The following SMAGP variants were observed in gnomAD, a reference collection of about 807,000 sequenced individuals.
SMAGP encodes small cell adhesion glycoprotein, also known as small cell transmembrane and glycosylated protein.
In SMAGP, 7 loss-of-function variants were observed where a neutral mutation model predicts 10.1. The ratio of observed to expected loss-of-function variants is 0.70; its 90% CI spans 0.40 to 1.31. SMAGP has a LOEUF of 1.31. Ranked by LOEUF, SMAGP falls within the 50% of genes most tolerant of loss-of-function variation. The pLI is 0.01. For synonymous variants in SMAGP, 49 were observed against 47.2 expected (o/e 1.04, Z -0.16); for missense variants, 113 against 116.5 (o/e 0.97, Z 0.14).
Position 51,246,887 on chromosome 12 carries a change from CAT to C in SMAGP, c.35-58_35-57del, listed in dbSNP as rs999284329. The C allele has an allele frequency of 9.7e-5, 135 of 1,389,914 alleles. No homozygotes were observed. In the Middle Eastern group the frequency reaches 1.1e-3, roughly 11 times the overall value. The allele number at this position is 1,389,914 out of a possible 1,614,324, so 86.1% of individuals were successfully genotyped here. A position where few individuals can be genotyped will look rare whatever the true frequency, so the allele number is the denominator to read the frequency against. Reference sequence around the variant, plus strand: ...TGGAGTGAATTCTTTTGTTTGAAAGCATATGTTTGGCCTTCAAATTTCACCAC... The same window carrying C: ...TGGAGTGAATTCTTTTGTTTGAAAGCATGTTTGGCCTTCAAATTTCACCAC... On this transcript the variant is annotated intron_variant, in intron 2 of 3. Transcript: ENST00000603798.
At chr12:51,264,893 C>T (rs1004368294) in intron 2 of SMAGP, among the ~76,000 whole-genome samples, 1 of 145,974 alleles carries the variant, frequency 6.9e-6, no homozygotes, top group Non-Finnish European at 1.5e-5. Context: ...GATGGTGCCA[C>T]TGCAATCCAG....
At chr12:51,246,988 AAAG>A (rs976482891) in intron 2 of SMAGP, among the ~76,000 whole-genome samples, 157 bp from the exon 3 acceptor site, 6 of 152,236 alleles carry the variant, frequency 3.9e-5, no homozygotes, top group East Asian at 3.8e-4. Flanking sequence ...CCTAGAGAAT[AAAG>A]AAGAAAATAA....
At chr12:51,266,898 T>C (rs1446525530) in intron 2 of SMAGP, among the ~76,000 whole-genome samples, 1 of 152,170 alleles carries the variant, frequency 6.6e-6, no homozygotes, top group East Asian at 1.9e-4. Context: ...GGCAGATCAC[T>C]TGAGGCCAGG....
intron 3 of SMAGP, chr12:51,246,466 C>G (rs1024698924): frequency 2.3e-5 from 10 of 429,248 alleles, no homozygotes; most frequent in African/African-American, 2.0e-4. Context: ...CTTCCTCACC[C>G]ACTCAACCAA....
chr12:51,269,412 C>G, intron 1 of SMAGP, 96 bp from the exon 2 acceptor site: 1 of 924,770 alleles, frequency 1.1e-6, no homozygotes, highest in South Asian at 1.4e-5. Flanking sequence ...CCAGGTTCTC[C>G]CAAGTCCCTT....
chr12:51,264,990 TA>T (rs145180403), intron 2 of SMAGP, among the ~76,000 whole-genome samples: 5,472 of 150,446 alleles, frequency 0.036, 338 homozygotes, highest in African/African-American at 0.13. Flanking sequence ...ATCAATTTTT[TA>T]AAAAAAATTT....
chr12:51,257,871 T>G (rs1944900025), intron 2 of SMAGP, among the ~76,000 whole-genome samples: 1 of 151,592 alleles, frequency 6.6e-6, no homozygotes, highest in Non-Finnish European at 1.5e-5. Flanking sequence ...AGATCTTAAC[T>G]GGGCCCAGTG....
intron 2 of SMAGP, among the ~76,000 whole-genome samples, chr12:51,255,211 T>C (rs114417390): frequency 0.016 from 2,410 of 152,190 alleles, 71 homozygotes; most frequent in African/African-American, 0.055. Flanking sequence ...AATTTTGTTA[T>C]TTTTTGGAGA....
At chr12:51,260,169 C>T (rs77837271) in intron 2 of SMAGP, among the ~76,000 whole-genome samples, 2,523 of 151,228 alleles carry the variant, frequency 0.017, 27 homozygotes, top group Non-Finnish European at 0.023. Context: ...CTTTGTACCA[C>T]GCCTAGACTG....
chr12:51,247,740 A>G (rs1451472580), intron 2 of SMAGP, among the ~76,000 whole-genome samples: 2 of 152,128 alleles, frequency 1.3e-5, no homozygotes, highest in African/African-American at 4.8e-5. Context: ...GGCATCCCAT[A>G]AACAGCAACA....
intron 3 of SMAGP, 145 bp from the exon 4 acceptor site, chr12:51,246,264 C>T: frequency 8.8e-7 from 1 of 1,132,924 alleles, no homozygotes; most frequent in Non-Finnish European, 1.2e-6. Context: ...AACCCATGTT[C>T]CCCCACCAAC....
chr12:51,269,251 G>C lies in SMAGP; in HGVS notation c.28C>G (p.Pro10Ala). 2 of 1,613,890 alleles carry C rather than the reference G, an allele frequency of 1.2e-6. No homozygotes were observed. The highest frequency in any genetic ancestry group is 1.7e-6 in the Non-Finnish European group (2 of 1,179,804). The part of the protein sequence containing the change: MTSLLTTPS[P>A]REELMTTPIL... ...AGGAAAGGCCTTCACCTACCTCTTG[G>C]AGAAGGAGTAGTCAGGAGGCTGGTC... The change falls in exon 2 of 4, where the codon CCA becomes GCA. Residue 10 changes from proline to alanine, a missense_variant. Pro to Ala is a conservative substitution (Grantham distance 27, BLOSUM62 -1). Transcript: ENST00000603798.
rs139928857 is a variant in SMAGP at position 51,268,045 on chromosome 12, T to C, written c.34+1200A>G. Among the ~76,000 whole-genome samples, 6 of 152,290 alleles carry C rather than the reference T, an allele frequency of 3.9e-5. 1 individual carries two copies. Among genetic ancestry groups the C allele is most frequent in the Non-Finnish European group, 7.4e-5 (5 of 68,022 alleles). On this transcript the variant is annotated intron_variant, in intron 2 of 3. Coordinates refer to ENST00000603798, the MANE Select transcript of SMAGP (RefSeq NM_001031628.2). ...CTGAAAACAGTCAATAAATAACTGA[T>C]AGTTTGTCCGGCCCAGCCTGATGAT...
intron 3 of SMAGP, 140 bp downstream of exon 3, chr12:51,246,611 T>TGTGC: frequency 2.0e-6 from 1 of 499,714 alleles, no homozygotes; most frequent in Non-Finnish European, 3.4e-6. Flanking sequence ...TGGCTGTGTG[T>TGTGC]GTGTGTGTGT....
intron 2 of SMAGP, among the ~76,000 whole-genome samples, chr12:51,267,701 C>T (rs1008366826): frequency 3.9e-5 from 6 of 151,956 alleles, no homozygotes; most frequent in Admixed American, 1.3e-4. Context: ...CGCCATGTTG[C>T]CCAGGCTGAT....
chr12:51,254,462 A>G (rs939761733), intron 2 of SMAGP, among the ~76,000 whole-genome samples: 2 of 152,058 alleles, frequency 1.3e-5, no homozygotes, highest in African/African-American at 4.8e-5. Flanking sequence ...CAGGAGAATC[A>G]CTTGAACCCA....
intron 2 of SMAGP, among the ~76,000 whole-genome samples, chr12:51,248,428 ACACACACTCTCT>A (rs1289873922): frequency 4.0e-4 from 42 of 104,518 alleles, no homozygotes; most frequent in African/African-American, 1.4e-3. Flanking sequence ...ACACACACAC[ACACACACTCTCT>A]CTCTCTCTCT....
chr12:51,259,054 A>T (rs1430859875), intron 2 of SMAGP, among the ~76,000 whole-genome samples: 16 of 150,904 alleles, frequency 1.1e-4, no homozygotes, highest in African/African-American at 3.6e-4. Context: ...GGATCACTTC[A>T]GTCTGAGAAG....
chr12:51,246,528 A>T (rs1039671253), intron 3 of SMAGP: 1 of 460,550 alleles, frequency 2.2e-6, no homozygotes, highest in African/African-American at 2.0e-5. Context: ...GTCCGTATGC[A>T]TATCTATTTG....
Sources: gnomAD v4.1 joint callset for allele counts (sites outside exome capture counted in the v4.1 genomes callset) on GRCh38, gnomAD v4.1.1 for gene constraint, MANE v1.5 for transcripts, NCBI Gene and HGNC (gene_info 2026-07-23, HGNC 2026-07-21) for gene names.